Variants in SPICE1 observed in about 807,000 individuals in gnomAD.
SPICE1 encodes spindle and centriole-associated protein 1.
A neutral mutation model predicts 102.7 loss-of-function variants in SPICE1; 75 were observed. The observed-to-expected ratio is 0.73, with a 90% CI of 0.61 to 0.88. The LOEUF is 0.88. SPICE1 is among the 40% of genes least tolerant of loss of function. The probability of loss-of-function intolerance (pLI) is 0.00; values close to 1 mark genes in which losing one functional copy is unlikely to be tolerated. For synonymous variants in SPICE1, 308 were observed against 350.3 expected, an observed-to-expected ratio of 0.88 and a Z score of 1.35; for missense variants, 979 against 1,020.1, an observed-to-expected ratio of 0.96 and a Z score of 0.55.
intron 1 of SPICE1, among the ~76,000 whole-genome samples, chr3:113,507,483 C>CT (rs869057993): frequency 3.3e-5 from 5 of 151,706 alleles, no homozygotes; most frequent in Non-Finnish European, 7.4e-5. Flanking sequence ...TCCTTAAGTA[C>CT]TTTTTTTTAA....
At position 113,460,643 on chromosome 3, in the gene SPICE1, G is replaced by A; in HGVS notation, c.1409C>T (p.Thr470Ile). Residue 470 changes from threonine (T) to isoleucine (I), a missense_variant, in exon 12 of 18, where the codon ACA (threonine) becomes ATA (isoleucine). Physicochemically the swap from Thr to Ile is moderately conservative, Grantham distance 89. Coordinates refer to ENST00000295872, the MANE Select transcript of SPICE1 (RefSeq NM_144718.4). Reference sequence around the variant, plus strand: ...TGGACTGTCCATAACTCTTCTACCTGTGGCTCCGCTTTCTGATGCCTGAAT... The same window carrying A: ...TGGACTGTCCATAACTCTTCTACCTATGGCTCCGCTTTCTGATGCCTGAAT... ...QEIQASESGA[T>I]GRRVMDSPER... 1 of 1,613,480 alleles carries A rather than the reference G, an allele frequency of 6.2e-7. No individual in the cohort carries two copies. Among genetic ancestry groups the A allele is most frequent in the South Asian group, 1.1e-5 (1 of 90,984 alleles).
chr3:113,466,590 C>A (rs1366300959), intron 10 of SPICE1, among the ~76,000 whole-genome samples: 1 of 147,068 alleles, frequency 6.8e-6, no homozygotes, highest in African/African-American at 2.5e-5. Flanking sequence ...AGCCTAGCAA[C>A]AGAGCGAGAC....
chr3:113,446,351 G>C (rs1470444561), intron 17 of SPICE1, among the ~76,000 whole-genome samples: 1 of 152,210 alleles, frequency 6.6e-6, no homozygotes, highest in Non-Finnish European at 1.5e-5. Context: ...GTAATTTCCA[G>C]TCTTTAAGGA....
At chr3:113,501,972 T>C (rs572041692) in intron 3 of SPICE1, among the ~76,000 whole-genome samples, 62 of 152,340 alleles carry the variant, frequency 4.1e-4, no homozygotes, top group Middle Eastern at 3.4e-3. Context: ...AGCAGCATTA[T>C]ACCTAACAAT....
chr3:113,459,208 C>T (rs1179795101), intron 12 of SPICE1, among the ~76,000 whole-genome samples: 1 of 152,014 alleles, frequency 6.6e-6, no homozygotes, highest in Admixed American at 6.5e-5. Context: ...TAAACAGATG[C>T]TTGAAAGCAG....
chr3:113,444,126 T>C lies in SPICE1; in HGVS notation c.*1181A>G, dbSNP rs1935457511. On this transcript the variant is annotated 3_prime_UTR_variant, in exon 18 of 18. Transcript: ENST00000295872. ...TCACTCAGGTTGAGAATTCCTATCA[T>C]AGAGCCAGGGAGCAGAGATCATTCA... The C allele has an allele frequency of 6.6e-6, 1 of 151,976 alleles. No homozygotes were observed. Among genetic ancestry groups the C allele is most frequent in the Non-Finnish European group, 1.5e-5 (1 of 68,014 alleles). 9.4% of individuals were successfully genotyped at this position (151,976 alleles called of 1,614,324 possible). A position where few individuals can be genotyped will look rare whatever the true frequency, so the allele number is the denominator to read the frequency against.
intron 7 of SPICE1, among the ~76,000 whole-genome samples, chr3:113,482,292 T>C (rs531303532): frequency 3.9e-5 from 6 of 152,212 alleles, no homozygotes; most frequent in Non-Finnish European, 8.8e-5. Flanking sequence ...AAGTTCTTTG[T>C]AGATTCTGGA....
chr3:113,467,866 G>A (rs1419004006), intron 10 of SPICE1, among the ~76,000 whole-genome samples: 1 of 151,754 alleles, frequency 6.6e-6, no homozygotes, highest in South Asian at 2.1e-4. Context: ...ATTAGCACAA[G>A]ATATAATTAT....
In SPICE1 at chr3:113,468,415, G is replaced by A. The variant is rs1378238264; in HGVS notation, c.890-11C>T. Reference sequence around the variant, plus strand: ...TCGGTTTCCTTTTCACTGATAATGAGAGAAGTCATTCTATTTTAAGACCAG... The same window carrying A: ...TCGGTTTCCTTTTCACTGATAATGAAAGAAGTCATTCTATTTTAAGACCAG... On this transcript the variant is annotated splice_polypyrimidine_tract_variant and intron_variant, in intron 9 of 17. Coordinates refer to ENST00000295872, the MANE Select transcript of SPICE1 (RefSeq NM_144718.4). 2.5e-6 allele frequency: 4 copies of A among 1,608,102 alleles called. No homozygotes were observed. The highest frequency in any genetic ancestry group is 3.4e-6 in the Non-Finnish European group (4 of 1,175,684).
intron 7 of SPICE1, among the ~76,000 whole-genome samples, chr3:113,471,496 C>T (rs541588825): frequency 6.6e-6 from 1 of 152,086 alleles, no homozygotes; most frequent in East Asian, 1.9e-4. Context: ...GGAGTGTGGC[C>T]CTACTGATAC....
intron 14 of SPICE1, among the ~76,000 whole-genome samples, chr3:113,453,138 CAT>C (rs1935695914): frequency 6.6e-6 from 1 of 152,300 alleles, no homozygotes; most frequent in African/African-American, 2.4e-5. Context: ...TTTCAATTAA[CAT>C]GTGGCTGTGT....
At chr3:113,448,757 T>C (rs1935574950) in intron 15 of SPICE1, 1 of 152,214 alleles carries the variant, frequency 6.6e-6, no homozygotes, top group African/African-American at 2.4e-5. Context: ...TGTGACTTCC[T>C]GGCTTTACAA....
At position 113,457,330 on chromosome 3, in the gene SPICE1, G is replaced by A; in HGVS notation, c.1463C>T (p.Ser488Leu). The change falls in exon 13 of 18, where the codon TCA (serine) becomes TTA (leucine). Residue 488 changes from serine (S) to leucine (L), a missense_variant. Ser to Leu is a moderately radical substitution (Grantham distance 145, BLOSUM62 -2). Coordinates refer to ENST00000295872, the MANE Select transcript of SPICE1 (RefSeq NM_144718.4). ...TTCCTCTCTGAACATCAATGGCACT[G>A]AGACATTGGCATTTACAACTGGACG... ...PERPVVNANVSVPLMFREEVA... is the reference protein window; with the variant it reads ...PERPVVNANVLVPLMFREEVA... The A allele has an allele frequency of 6.2e-7, 1 of 1,614,216 alleles. No homozygotes were observed. The highest frequency in any genetic ancestry group is 8.5e-7 in the Non-Finnish European group (1 of 1,180,044).
At position 113,450,375 on chromosome 3, in the gene SPICE1, G is replaced by A. The variant is rs564366276; in HGVS notation, c.2284C>T (p.Pro762Ser). The change falls in exon 15 of 18, where the codon CCA becomes TCA. Residue 762 changes from proline to serine, a missense_variant. Transcript: ENST00000295872. ...AGAGGTAACTGAACAGGTGACATTGGTGGAGAAAGATTCAAACCAACAAGT... is the reference window on the plus strand; with the variant it reads ...AGAGGTAACTGAACAGGTGACATTGATGGAGAAAGATTCAAACCAACAAGT... ...QKLVGLNLSP[P>S]MSPVQLPLRA... is the part of the protein sequence containing the mutation. 9 of 1,614,088 alleles carry A rather than the reference G, an allele frequency of 5.6e-6. No individual in the cohort carries two copies. In the South Asian group the frequency reaches 7.7e-5, roughly 14 times the overall value.
rs144732759 is a variant in SPICE1, at chr3:113,445,317, T to C, written c.2558A>G (p.His853Arg). 1.2e-6 allele frequency: 2 copies of C among 1,612,686 alleles called. No individual in the cohort carries two copies. The highest frequency in any genetic ancestry group is 1.7e-5 in the Admixed American group (1 of 59,932). ...NEEGWFALSTHVS is the reference protein window; with the variant it reads ...NEEGWFALSTRVS ...GAGACTTGACTTCACTTATGATACA[T>C]GGGTAGAAAGAGCAAACCAGCCTTC... The change falls in exon 18 of 18, where the codon CAT becomes CGT. Residue 853 changes from histidine to arginine, a missense_variant. His to Arg is a conservative substitution (Grantham distance 29, BLOSUM62 0). Transcript: ENST00000295872.
chr3:113,491,567 G>A (rs1036689178), intron 6 of SPICE1, among the ~76,000 whole-genome samples: 10 of 140,116 alleles, frequency 7.1e-5, no homozygotes, highest in Admixed American at 5.9e-4. Flanking sequence ...ACAGCTTGCA[G>A]TGAGCCAAGA....
chr3:113,502,273 T>G (rs1937023577), intron 3 of SPICE1, among the ~76,000 whole-genome samples: 1 of 152,030 alleles, frequency 6.6e-6, no homozygotes, highest in African/African-American at 2.4e-5. Flanking sequence ...GTACTCAAGA[T>G]GCTGAGGTGG....
At chr3:113,501,022 G>A (rs553609690) in intron 3 of SPICE1, among the ~76,000 whole-genome samples, 9 of 152,224 alleles carry the variant, frequency 5.9e-5, no homozygotes, top group East Asian at 3.9e-4. Context: ...ACTATAAAAC[G>A]ACAGTAATCA....
intron 14 of SPICE1, 118 bp from the exon 15 acceptor site, chr3:113,450,634 TG>T: frequency 9.8e-7 from 1 of 1,024,010 alleles, no homozygotes; most frequent in Non-Finnish European, 1.4e-6. Context: ...TGGAGTGCAG[TG>T]GCGCTATCTC....
Sources: gnomAD v4.1 joint callset for allele counts (sites outside exome capture counted in the v4.1 genomes callset) on GRCh38, gnomAD v4.1.1 for gene constraint, MANE v1.5 for transcripts, NCBI Gene and HGNC (gene_info 2026-07-23, HGNC 2026-07-21) for gene names.